The following ASXL2 variants were observed in gnomAD, a reference collection of about 807,000 sequenced individuals.
ASXL2 encodes the protein ASXL transcriptional regulator 2.
Under a neutral mutation model 122.0 loss-of-function variants are expected in ASXL2, and 23 were observed. The observed-to-expected ratio is 0.19, with a 90% CI of 0.14 to 0.27. The LOEUF is 0.27. ASXL2 is among the 10% of genes least tolerant of loss of function. ASXL2 has a pLI of 1.00. For synonymous variants in ASXL2, 650 were observed against 637.0 expected (o/e 1.02, Z -0.31); for missense variants, 1,518 against 1,713.8 (o/e 0.89, Z 2.02).
At chr2:25,864,109 T>C (rs2089871666) in intron 1 of ASXL2, among the ~76,000 whole-genome samples, 1 of 151,924 alleles carries the variant, frequency 6.6e-6, no homozygotes, top group Non-Finnish European at 1.5e-5. Flanking sequence ...AAAACAGGTA[T>C]GTCCAGAAGA....
chr2:25,793,020 A>G (rs1035968860), intron 5 of ASXL2, among the ~76,000 whole-genome samples: 2 of 152,018 alleles, frequency 1.3e-5, no homozygotes, highest in South Asian at 4.2e-4. Context: ...TGGGAAGCTG[A>G]GGCGGGCAGA....
chr2:25,781,200 T>G (rs1427874643), intron 5 of ASXL2, among the ~76,000 whole-genome samples: 1 of 152,132 alleles, frequency 6.6e-6, no homozygotes, highest in African/African-American at 2.4e-5. Flanking sequence ...TTTATCTTTT[T>G]GGGTATTGAG....
chr2:25,844,828 G>A (rs184242924), intron 2 of ASXL2, among the ~76,000 whole-genome samples: 2 of 152,000 alleles, frequency 1.3e-5, no homozygotes, highest in East Asian at 3.9e-4. Context: ...GTAGAGATGA[G>A]GTTTCACTAT....
intron 1 of ASXL2, among the ~76,000 whole-genome samples, chr2:25,867,394 G>A (rs2089918182): frequency 6.6e-6 from 1 of 152,056 alleles, no homozygotes; most frequent in Non-Finnish European, 1.5e-5. Flanking sequence ...GATAGATTGA[G>A]GCCTGGAGTT....
intron 3 of ASXL2, among the ~76,000 whole-genome samples, chr2:25,820,024 G>A (rs1246758979): frequency 6.6e-6 from 1 of 152,026 alleles, no homozygotes; most frequent in East Asian, 1.9e-4. Flanking sequence ...TAATTCTCCT[G>A]CCTCCACCTC....
intron 1 of ASXL2, among the ~76,000 whole-genome samples, chr2:25,861,429 C>A (rs930851333): frequency 6.6e-6 from 1 of 152,164 alleles, no homozygotes; most frequent in Non-Finnish European, 1.5e-5. Context: ...AACAGATAAT[C>A]TGAATAGGCC....
At chr2:25,856,847 G>T in intron 1 of ASXL2, 1 of 897,888 alleles carries the variant, frequency 1.1e-6, no homozygotes, top group Non-Finnish European at 1.8e-6. Context: ...CCCCTGAGAG[G>T]AACGAGGTCC....
At chr2:25,792,257 C>T (rs759660598) in intron 5 of ASXL2, among the ~76,000 whole-genome samples, 1 of 152,204 alleles carries the variant, frequency 6.6e-6, no homozygotes. Flanking sequence ...CCACCTTGGC[C>T]TCCCAAAGTG....
intron 7 of ASXL2, among the ~76,000 whole-genome samples, chr2:25,768,166 A>G (rs2088385630): frequency 2.0e-5 from 3 of 152,244 alleles, no homozygotes; most frequent in Admixed American, 2.0e-4. Flanking sequence ...ATTTTTACAG[A>G]AAACTGGCTA....
chr2:25,787,883 A>G (rs1405791345), intron 5 of ASXL2, among the ~76,000 whole-genome samples: 1 of 152,232 alleles, frequency 6.6e-6, no homozygotes, highest in East Asian at 1.9e-4. Context: ...AGCTGCTTCT[A>G]AAATTTACAT....
intron 3 of ASXL2, among the ~76,000 whole-genome samples, chr2:25,813,843 G>A (rs111350745): frequency 0.042 from 6,453 of 152,268 alleles, 211 homozygotes; most frequent in African/African-American, 0.08. Flanking sequence ...GAGGTCAGGA[G>A]ATCGAGACCA....
At chr2:25,777,467 C>T (rs903547490) in intron 5 of ASXL2, among the ~76,000 whole-genome samples, 13 of 151,936 alleles carry the variant, frequency 8.6e-5, no homozygotes, top group African/African-American at 2.9e-4. Flanking sequence ...TAATGAAACC[C>T]TGTCTCTAGA....
intron 5 of ASXL2, among the ~76,000 whole-genome samples, chr2:25,772,303 T>C (rs1238742873): frequency 1.3e-5 from 2 of 152,202 alleles, no homozygotes; most frequent in Admixed American, 1.3e-4. Context: ...AAAATTATAA[T>C]CACTACTGCT....
At chr2:25,838,787 T>C (rs903391960) in intron 2 of ASXL2, among the ~76,000 whole-genome samples, 3 of 152,234 alleles carry the variant, frequency 2.0e-5, no homozygotes, top group Non-Finnish European at 4.4e-5. Flanking sequence ...ACTGTTACTT[T>C]GATTCAAGGT....
intron 1 of ASXL2, among the ~76,000 whole-genome samples, chr2:25,851,001 T>C (rs759311288): frequency 6.6e-5 from 10 of 151,984 alleles, no homozygotes; most frequent in Non-Finnish European, 1.3e-4. Flanking sequence ...TAGCCAGGTG[T>C]GGGGGCGCAT....
At chr2:25,797,218 G>A (rs978446915) in intron 5 of ASXL2, among the ~76,000 whole-genome samples, 3 of 152,042 alleles carry the variant, frequency 2.0e-5, no homozygotes, top group African/African-American at 7.3e-5. Context: ...AGGCCAAGGC[G>A]GGTGGATCAC....
chr2:25,859,002 C>T (rs532890835), intron 1 of ASXL2, among the ~76,000 whole-genome samples: 28 of 150,846 alleles, frequency 1.9e-4, no homozygotes, highest in African/African-American at 5.1e-4. Flanking sequence ...TTAGTAGAGA[C>T]GGGGTTTCAC....
chr2:25,808,043 T>A (rs1419827896), intron 3 of ASXL2, among the ~76,000 whole-genome samples: 1 of 124,730 alleles, frequency 8.0e-6, no homozygotes, highest in Non-Finnish European at 1.8e-5. Flanking sequence ...AAAGAACAGA[T>A]ACATGACTTA....
chr2:25,855,218 G>C (rs1472351032), intron 1 of ASXL2, among the ~76,000 whole-genome samples: 1 of 152,180 alleles, frequency 6.6e-6, no homozygotes, highest in African/African-American at 2.4e-5. Flanking sequence ...AAACAGTGGA[G>C]AGGGTAAAAT....
Sources: gnomAD v4.1 joint callset for allele counts (sites outside exome capture counted in the v4.1 genomes callset) on GRCh38, gnomAD v4.1.1 for gene constraint, MANE v1.5 for transcripts, NCBI Gene and HGNC (gene_info 2026-07-23, HGNC 2026-07-21) for gene names.